Variants in AGPAT5 observed in about 807,000 individuals in gnomAD.
AGPAT5 encodes 1-acylglycerol-3-phosphate O-acyltransferase 5.
AGPAT5 carries 46 observed loss-of-function variants against 45.6 expected under a neutral mutation model. That is an observed-to-expected ratio of 1.01 (90% CI 0.80 to 1.29). The LOEUF is 1.29. Among genes scored for constraint, AGPAT5 ranks in the 50% most tolerant of loss-of-function variants. The probability of loss-of-function intolerance (pLI) is 0.00; values close to 1 mark genes in which losing one functional copy is unlikely to be tolerated. For synonymous variants in AGPAT5, 272 were observed against 167.0 expected (o/e 1.63, Z -4.85); for missense variants, 673 against 450.7 (o/e 1.49, Z -4.47).
Position 6,708,815 on chromosome 8 carries a change from G to A in AGPAT5, c.147G>A (p.Ala49=), listed in dbSNP as rs1800028852. 1.9e-6 allele frequency: 3 copies of A among 1,611,462 alleles called. No individual in the cohort carries two copies. The highest frequency in any genetic ancestry group is 2.5e-6 in the Non-Finnish European group (3 of 1,179,718). The change falls in exon 1 of 8, where the codon GCG becomes GCA. Residue 49 remains alanine, a synonymous_variant. Coordinates refer to ENST00000285518, the MANE Select transcript of AGPAT5 (RefSeq NM_018361.5). The stretch of plus-strand genomic sequence containing the variant: ...TCCTGCCCGCCCGCTTCTACCAAGC[G>A]CTGGACGACCGGCTCTACTGCGTCT... ...SAFLPARFYQ[A]LDDRLYCVYQ...
At position 6,710,708 on chromosome 8, in the gene AGPAT5, C is replaced by G. The variant is rs139902494; in HGVS notation, c.219+1821C>G. ...TGGGTTTCCTGTGTACACAAAGCTACCTTTCAATATTTTTTATTGTTTCTG... is the reference window on the plus strand; with the variant it reads ...TGGGTTTCCTGTGTACACAAAGCTAGCTTTCAATATTTTTTATTGTTTCTG... On this transcript the variant is annotated intron_variant, in intron 1 of 7. Coordinates refer to ENST00000285518, the MANE Select transcript of AGPAT5 (RefSeq NM_018361.5). 4.2e-4 allele frequency among the ~76,000 whole-genome samples: 64 copies of G among 152,190 alleles called. No homozygotes were observed. In the East Asian group the frequency reaches 0.011, roughly 27 times the overall value.
At chr8:6,747,865 G>C (rs549753490) in intron 6 of AGPAT5, 37 bp downstream of exon 6, 2 of 1,597,690 alleles carry the variant, frequency 1.3e-6, no homozygotes, top group Non-Finnish European at 1.7e-6. Flanking sequence ...CCTGTACACG[G>C]TATATACAGT....
Position 6,747,833 on chromosome 8 carries a change from G to A in AGPAT5, c.745+5G>A. The stretch of plus-strand genomic sequence containing the variant: ...GAGAGTCACCGACCATGACGGGTAA[G>A]TGTGTTCACGCACCTGAAATGCCTG... On this transcript the variant is annotated splice_donor_5th_base_variant and intron_variant, in intron 6 of 7. Coordinates refer to ENST00000285518, the MANE Select transcript of AGPAT5 (RefSeq NM_018361.5). The A allele has an allele frequency of 6.2e-7, 1 of 1,613,718 alleles. No homozygotes were observed. The highest frequency in any genetic ancestry group is 8.5e-7 in the Non-Finnish European group (1 of 1,179,752).
In AGPAT5 at chr8:6,747,752, T is replaced by C. The variant is rs201633575; in HGVS notation, c.669T>C (p.Asp223=). 2.5e-6 allele frequency: 4 copies of C among 1,614,212 alleles called. No individual in the cohort carries two copies. In the African/African-American group the frequency reaches 5.3e-5, roughly 22 times the overall value. The part of the protein sequence containing the change: ...VAFDCMKNYL[D]AIYDVTVVYE... Reference sequence around the variant, plus strand: ...TTGATTGCATGAAGAATTATTTAGATGCAATTTATGATGTTACGGTGGTTT... The same window carrying C: ...TTGATTGCATGAAGAATTATTTAGACGCAATTTATGATGTTACGGTGGTTT... Residue 223 remains aspartate, a synonymous_variant, in exon 6 of 8, where the codon GAT becomes GAC. Transcript: ENST00000285518.
intron 6 of AGPAT5, among the ~76,000 whole-genome samples, chr8:6,750,847 A>C (rs1270030214): frequency 6.6e-6 from 1 of 152,214 alleles, no homozygotes; most frequent in African/African-American, 2.4e-5. Context: ...ATGTAGTACA[A>C]ACCTTTGTAG....
rs948108871 is a variant in AGPAT5 at position 6,747,772 on chromosome 8, T to G, written c.689T>G (p.Val230Gly). Residue 230 changes from valine to glycine, a missense_variant, in exon 6 of 8, where the codon GTG becomes GGG. By Grantham distance (109) the Val-to-Gly change is moderately radical. Transcript: ENST00000285518. ...NYLDAIYDVT[V>G]VYEGKDDGGQ... The stretch of plus-strand genomic sequence containing the variant: ...TTAGATGCAATTTATGATGTTACGG[T>G]GGTTTATGAAGGGAAAGACGATGGA... The G allele has an allele frequency of 6.2e-7, 1 of 1,614,014 alleles. No individual in the cohort carries two copies. Among genetic ancestry groups the G allele is most frequent in the Non-Finnish European group, 8.5e-7 (1 of 1,180,010 alleles).
At chr8:6,713,912 C>A (rs1039959890) in intron 1 of AGPAT5, among the ~76,000 whole-genome samples, 5 of 152,212 alleles carry the variant, frequency 3.3e-5, no homozygotes, top group Non-Finnish European at 7.3e-5. Flanking sequence ...ACATTTATAA[C>A]TGGATCTTTC....
At chr8:6,722,936 T>C (rs953779981) in intron 1 of AGPAT5, among the ~76,000 whole-genome samples, 13 of 152,168 alleles carry the variant, frequency 8.5e-5, no homozygotes, top group African/African-American at 3.1e-4. Context: ...TAAAGAGTTA[T>C]GAAAAACAAA....
Position 6,759,780 on chromosome 8 carries a change from A to G in AGPAT5, c.*2392A>G, listed in dbSNP as rs1801970024. The G allele has an allele frequency of 6.6e-6, 1 of 152,188 alleles. No homozygotes were observed. The allele number at this position is 152,188 out of a possible 1,614,324, so 9.4% of individuals were successfully genotyped here. On this transcript the variant is annotated 3_prime_UTR_variant, in exon 8 of 8. Transcript: ENST00000285518. ...TCACAATATTTTTCCCTAAGCTTTG[A>G]GCAAAGTTTTAAAAAAATACACTAA... is the stretch of plus-strand genomic sequence containing the variant.
rs1304842989 is a variant in AGPAT5 at position 6,757,913 on chromosome 8, T to TG, written c.*529dup. 6.5e-6 allele frequency: 1 copy of TG among 152,738 alleles called. No individual in the cohort carries two copies. Among genetic ancestry groups the TG allele is most frequent in the Non-Finnish European group, 1.5e-5 (1 of 68,420 alleles). The allele number at this position is 152,738 out of a possible 1,614,324, so 9.5% of individuals were successfully genotyped here. A position where few individuals can be genotyped will look rare whatever the true frequency, so the allele number is the denominator to read the frequency against. On this transcript the variant is annotated 3_prime_UTR_variant, in exon 8 of 8. Coordinates refer to ENST00000285518, the MANE Select transcript of AGPAT5 (RefSeq NM_018361.5). Reference sequence around the variant, plus strand: ...CAAAGGAAAGGGTAAAAAGTGTTCATGGGGAAAAAGCTCTGTTTAGCACAT... The same window carrying TG: ...CAAAGGAAAGGGTAAAAAGTGTTCATGGGGGAAAAAGCTCTGTTTAGCACAT...
chr8:6,760,169 G>A lies in AGPAT5; in HGVS notation c.*2781G>A, dbSNP rs890445373. ...GATCTAACTAGACTGATCATAGATA[G>A]AAGGAAATAAGGCCAAGTTCAAGAC... On this transcript the variant is annotated 3_prime_UTR_variant, in exon 8 of 8. Coordinates refer to ENST00000285518, the MANE Select transcript of AGPAT5 (RefSeq NM_018361.5). 6.6e-6 allele frequency among the ~76,000 whole-genome samples: 1 copy of A among 152,138 alleles called. No individual in the cohort carries two copies. Among genetic ancestry groups the A allele is most frequent in the African/African-American group, 2.4e-5 (1 of 41,424 alleles).
intron 2 of AGPAT5, among the ~76,000 whole-genome samples, chr8:6,728,934 G>A (rs780337828): frequency 2.6e-5 from 4 of 152,172 alleles, no homozygotes; most frequent in Non-Finnish European, 5.9e-5. Context: ...ATCATTGATA[G>A]CCCAATAGTA....
At chr8:6,737,985 G>A (rs1300838033) in intron 4 of AGPAT5, among the ~76,000 whole-genome samples, 2 of 152,176 alleles carry the variant, frequency 1.3e-5, no homozygotes, top group African/African-American at 4.8e-5. Context: ...TTGCTTTAAG[G>A]GAGTGTTGTG....
chr8:6,736,015 G>A (rs946159312), intron 4 of AGPAT5, among the ~76,000 whole-genome samples: 3 of 151,824 alleles, frequency 2.0e-5, no homozygotes, highest in East Asian at 1.9e-4. Flanking sequence ...CGCCATGCCC[G>A]GCTAATTTTT....
intron 3 of AGPAT5, 30 bp downstream of exon 3, chr8:6,730,856 A>C: frequency 7.1e-7 from 1 of 1,408,184 alleles, no homozygotes; most frequent in South Asian, 1.3e-5. Context: ...TTCTCTCTAT[A>C]TATGTAGTTT....
chr8:6,758,050 G>T lies in AGPAT5; in HGVS notation c.*662G>T, dbSNP rs1307518026. The stretch of plus-strand genomic sequence containing the variant: ...TGCACACCCTGTACACACAGAAAAT[G>T]GTATAAAATATGAGAACGAAGTTTA... On this transcript the variant is annotated 3_prime_UTR_variant, in exon 8 of 8. Coordinates refer to ENST00000285518, the MANE Select transcript of AGPAT5 (RefSeq NM_018361.5). The T allele has an allele frequency of 6.6e-6, 1 of 152,112 alleles. No homozygotes were observed. Among genetic ancestry groups the T allele is most frequent in the Non-Finnish European group, 1.5e-5 (1 of 68,026 alleles). 9.4% of individuals were successfully genotyped at this position (152,112 alleles called of 1,614,324 possible). A position where few individuals can be genotyped will look rare whatever the true frequency, so the allele number is the denominator to read the frequency against.
intron 2 of AGPAT5, among the ~76,000 whole-genome samples, chr8:6,729,990 T>G (rs1489585217): frequency 1.3e-5 from 2 of 152,226 alleles, no homozygotes; most frequent in Admixed American, 1.3e-4. Flanking sequence ...TAGTAGAAGA[T>G]GAAGTGTCCT....
intron 1 of AGPAT5, 23 bp downstream of exon 1, chr8:6,708,910 G>C (rs765787531): frequency 1.8e-5 from 29 of 1,587,504 alleles, no homozygotes; most frequent in Non-Finnish European, 2.4e-5. Flanking sequence ...CCGCTCCCGG[G>C]TCTCGGCGTC....
At chr8:6,723,279 G>C (rs1800568275) in intron 1 of AGPAT5, among the ~76,000 whole-genome samples, 1 of 152,164 alleles carries the variant, frequency 6.6e-6, no homozygotes, top group South Asian at 2.1e-4. Flanking sequence ...CTGGGGACTT[G>C]TCATTAGGTG....
Sources: allele counts gnomAD v4.1 joint callset (sites outside exome capture counted in the v4.1 genomes callset), GRCh38; gene constraint gnomAD v4.1.1; transcripts MANE v1.5; gene names NCBI Gene and HGNC (gene_info 2026-07-23, HGNC 2026-07-21).